Variants in ADSL observed in about 807,000 individuals in gnomAD.
ADSL encodes adenylosuccinate lyase, also known as adenylosuccinase.
Under a neutral mutation model 62.1 loss-of-function variants are expected in ADSL, and 44 were observed. That is an observed-to-expected ratio of 0.71 (90% CI 0.56 to 0.91). The LOEUF is 0.91. Ranked by LOEUF, ADSL falls within the 40% of genes least tolerant of loss-of-function variation. The pLI is 0.00. For synonymous variants in ADSL, 198 were observed against 220.5 expected (o/e 0.90, Z 0.90); for missense variants, 531 against 627.4 (o/e 0.85, Z 1.64).
At chr22:40,372,122 C>CTTTTTTTTTTTT (rs58396730), downstream of ADSL, among the ~76,000 whole-genome samples, 5 of 65,198 alleles carry the variant, frequency 7.7e-5, no homozygotes, top group Non-Finnish European at 1.1e-4. Flanking sequence ...TCCCCCCCCC[C>CTTTTTTTTTTTT]TTTTTTTTTT....
chr22:40,383,934 C>A (rs2048001951), intron 2 of ADSL, among the ~76,000 whole-genome samples: 1 of 152,060 alleles, frequency 6.6e-6, no homozygotes. Context: ...AGACTTGCAA[C>A]TGATTTGATA....
intron 2 of ADSL, among the ~76,000 whole-genome samples, chr22:40,351,429 C>G (rs989144758): frequency 8.5e-5 from 13 of 152,096 alleles, no homozygotes; most frequent in Non-Finnish European, 1.8e-4. Flanking sequence ...TCCTCAGCCC[C>G]CCAAAGTGCT....
chr22:40,386,939 A>C (rs1043697098), intron 2 of ADSL, among the ~76,000 whole-genome samples: 2 of 152,068 alleles, frequency 1.3e-5, no homozygotes, highest in Non-Finnish European at 2.9e-5. Context: ...ACACACAAAA[A>C]ATTTTTTTTA....
chr22:40,353,110 T>C lies in ADSL; in HGVS notation c.395T>C (p.Leu132Ser). Residue 132 changes from leucine to serine, a missense_variant, in exon 3 of 13, where the codon TTG becomes TCG. Physicochemically the swap from Leu to Ser is moderately radical, Grantham distance 145. Coordinates refer to ENST00000623063, the MANE Select transcript of ADSL (RefSeq NM_000026.4). Reference protein sequence around the residue: ...IILRNALDLLLPKLARVISRL... With the variant: ...IILRNALDLLSPKLARVISRL... ...CTTAGAAATGCACTTGACCTGCTTTTGCCAAAGGTAAGGAGTTGGCAGATG... is the reference window on the plus strand; with the variant it reads ...CTTAGAAATGCACTTGACCTGCTTTCGCCAAAGGTAAGGAGTTGGCAGATG... 6.2e-7 allele frequency: 1 copy of C among 1,613,940 alleles called. No individual in the cohort carries two copies. Among genetic ancestry groups the C allele is most frequent in the Non-Finnish European group, 8.5e-7 (1 of 1,179,786 alleles).
intron 2 of ADSL, among the ~76,000 whole-genome samples, chr22:40,386,630 C>T (rs2048509111): frequency 7.0e-6 from 1 of 141,996 alleles, no homozygotes. Context: ...CTATGTTGCC[C>T]AGGCTGGTCT....
Position 40,346,734 on chromosome 22 carries a change from G to A in ADSL, c.153+23G>A, listed in dbSNP as rs749199342. 2.1e-5 allele frequency: 33 copies of A among 1,586,368 alleles called. No homozygotes were observed. The East Asian group carries it at 7.1e-4, about 34-fold the overall frequency. On this transcript the variant is annotated intron_variant, in intron 1 of 12. Coordinates refer to ENST00000623063, the MANE Select transcript of ADSL (RefSeq NM_000026.4). ...CAGGTAACGGATCCCGGGCTGAGGG[G>A]CTGGGCCGGGAGGGACGGGCCCGCC...
At chr22:40,359,820 C>G (rs950695203) in intron 6 of ADSL, among the ~76,000 whole-genome samples, 1 of 152,176 alleles carries the variant, frequency 6.6e-6, no homozygotes, top group East Asian at 1.9e-4. Flanking sequence ...CATGAGCCAC[C>G]ATGCCTGACC....
chr22:40,353,310 C>CTT (rs1474396187), intron 3 of ADSL, 193 bp downstream of exon 3: 8 of 705,302 alleles, frequency 1.1e-5, no homozygotes, highest in Admixed American at 2.0e-5. Context: ...CCTCCTTCTC[C>CTT]TTTCTTCTTC....
At position 40,353,067 on chromosome 22, in the gene ADSL, T is replaced by C. The variant is rs2044410064; in HGVS notation, c.358-6T>C. The C allele has an allele frequency of 6.2e-7, 1 of 1,612,832 alleles. No individual in the cohort carries two copies. The highest frequency in any genetic ancestry group is 1.1e-5 in the South Asian group (1 of 91,050). ...AAATATAAGATCATTGCATTTTCTTTCGTAGGACTTGATTATTCTTAGAAA... is the reference window on the plus strand; with the variant it reads ...AAATATAAGATCATTGCATTTTCTTCCGTAGGACTTGATTATTCTTAGAAA... On this transcript the variant is annotated splice_region_variant and splice_polypyrimidine_tract_variant and intron_variant, in intron 2 of 12. Transcript: ENST00000623063.
At chr22:40,372,603 G>C (rs1230750290), downstream of ADSL, 1 of 152,170 alleles carries the variant, frequency 6.6e-6, no homozygotes, top group Non-Finnish European at 1.5e-5. Flanking sequence ...AACATGTCAG[G>C]TTGATAGAAA....
In ADSL at chr22:40,365,200, C is replaced by A. The variant is rs754839075; in HGVS notation, c.1368+144C>A. The A allele has an allele frequency of 3.2e-6, 3 of 926,998 alleles. No homozygotes were observed. The Admixed American group carries it at 7.1e-5, about 22-fold the overall frequency. The allele number at this position is 926,998 out of a possible 1,614,324, so 57.4% of individuals were successfully genotyped here. On this transcript the variant is annotated intron_variant, in intron 12 of 12. Transcript: ENST00000623063. ...GTTGCTGGCTAAAACTTAGATATTT[C>A]GGTTTTGTTTCTGTTTTGTTTTGTT...
downstream of ADSL, among the ~76,000 whole-genome samples, chr22:40,371,271 C>T (rs1416829107): frequency 2.0e-5 from 3 of 152,186 alleles, no homozygotes; most frequent in Non-Finnish European, 4.4e-5. Context: ...TATTCTCATA[C>T]TTAGTTTACT....
At chr22:40,378,932 G>A (rs1417948463) in intron 2 of ADSL, among the ~76,000 whole-genome samples, 3 of 151,870 alleles carry the variant, frequency 2.0e-5, no homozygotes, top group Non-Finnish European at 4.4e-5. Flanking sequence ...CACCACCTAT[G>A]TGCTGCTCTT....
rs775298300 is a variant in ADSL, at chr22:40,358,892, C to T, written c.511C>T (p.Arg171Cys). The change falls in exon 5 of 13, where the codon CGT becomes TGT. Residue 171 changes from arginine (R) to cysteine (C), a missense_variant. Transcript: ENST00000623063. The stretch of plus-strand genomic sequence containing the variant: ...TGCACAGCTGACCACAGTTGGGAAA[C>T]GTTGCTGTCTTTGGATTCAGGATCT... Reference protein sequence around the residue: ...QPAQLTTVGKRCCLWIQDLCM... With the variant: ...QPAQLTTVGKCCCLWIQDLCM... 6 of 1,614,130 alleles carry T rather than the reference C, an allele frequency of 3.7e-6. No homozygotes were observed. The highest frequency in any genetic ancestry group is 1.7e-5 in the Admixed American group (1 of 60,020).
At chr22:40,383,597 G>A (rs1381858145) in intron 2 of ADSL, among the ~76,000 whole-genome samples, 2 of 152,066 alleles carry the variant, frequency 1.3e-5, no homozygotes, top group Non-Finnish European at 2.9e-5. Context: ...GGAAATGGAA[G>A]GTGGCCTTCT....
intron 2 of ADSL, chr22:40,376,629 T>C (rs554904432): frequency 2.2e-4 from 34 of 152,296 alleles, no homozygotes; most frequent in African/African-American, 7.7e-4. Flanking sequence ...CTCACAATCC[T>C]CACATCAACC....
In ADSL at chr22:40,349,851, C is replaced by T. The variant is rs544172142; in HGVS notation, c.173C>T (p.Thr58Ile). 2 of 1,614,090 alleles carry T rather than the reference C, an allele frequency of 1.2e-6. No individual in the cohort carries two copies. The highest frequency in any genetic ancestry group is 2.2e-5 in the East Asian group (1 of 44,886). ...CTGCAGACATTGGGTTTGCCTATCA[C>T]AGATGAACAAATCCAGGAGATGAAA... ...EAEQTLGLPI[T>I]DEQIQEMKSN... The change falls in exon 2 of 13, where the codon ACA becomes ATA. Residue 58 changes from threonine (T) to isoleucine (I), a missense_variant. Coordinates refer to ENST00000623063, the MANE Select transcript of ADSL (RefSeq NM_000026.4).
At chr22:40,381,825 T>G (rs971528346) in intron 2 of ADSL, among the ~76,000 whole-genome samples, 1 of 151,900 alleles carries the variant, frequency 6.6e-6, no homozygotes, top group Non-Finnish European at 1.5e-5. Flanking sequence ...CCAGGCATGG[T>G]GGTATATGCC....
chr22:40,377,329 A>T (rs1233568983), intron 2 of ADSL, among the ~76,000 whole-genome samples: 1 of 152,244 alleles, frequency 6.6e-6, no homozygotes, highest in African/African-American at 2.4e-5. Flanking sequence ...CAGCTCCTTC[A>T]TCACAACCAC....
Sources: gnomAD v4.1 joint callset for allele counts (sites outside exome capture counted in the v4.1 genomes callset) on GRCh38, gnomAD v4.1.1 for gene constraint, MANE v1.5 for transcripts, NCBI Gene and HGNC (gene_info 2026-07-23, HGNC 2026-07-21) for gene names.